PPP3CA: variants seen among roughly 807,000 people sequenced by gnomAD.
PPP3CA encodes protein phosphatase 3 catalytic subunit alpha.
PPP3CA carries 14 observed loss-of-function variants against 66.5 expected under a neutral mutation model. The ratio of observed to expected loss-of-function variants is 0.21; its 90% CI spans 0.14 to 0.33. The LOEUF (loss-of-function observed/expected upper bound fraction) is 0.33, where lower values mean the gene tolerates loss of function less well. Ranked by LOEUF, PPP3CA falls within the 10% of genes least tolerant of loss-of-function variation. The pLI is 1.00. For missense variants in PPP3CA, 317 were observed against 639.5 expected, an observed-to-expected ratio of 0.50 and a Z score of 5.44; for synonymous variants, 232 against 226.2, an observed-to-expected ratio of 1.03 and a Z score of -0.23.
chr4:101,027,008 A>G (rs969451285), intron 13 of PPP3CA, among the ~76,000 whole-genome samples: 11 of 152,200 alleles, frequency 7.2e-5, no homozygotes, highest in African/African-American at 2.7e-4. Flanking sequence ...TTAAAAAGTA[A>G]TCTTTGGTGT....
chr4:101,294,757 C>G (rs1174260346), intron 1 of PPP3CA, among the ~76,000 whole-genome samples: 1 of 151,858 alleles, frequency 6.6e-6, no homozygotes, highest in Non-Finnish European at 1.5e-5. Flanking sequence ...TGTTTGGCAG[C>G]ATCTCTGGCT....
At chr4:101,249,235 A>G (rs1374740699) in intron 1 of PPP3CA, among the ~76,000 whole-genome samples, 1 of 152,068 alleles carries the variant, frequency 6.6e-6, no homozygotes, top group Non-Finnish European at 1.5e-5. Context: ...AAATGTAGGT[A>G]CTACTACACA....
chr4:101,165,652 C>T (rs1485951337), intron 2 of PPP3CA, among the ~76,000 whole-genome samples: 2 of 152,100 alleles, frequency 1.3e-5, no homozygotes, highest in South Asian at 2.1e-4. Context: ...TACATGTGTA[C>T]ATCAATAAAA....
chr4:101,342,707 C>CA (rs1729855031), intron 1 of PPP3CA, among the ~76,000 whole-genome samples: 1 of 152,102 alleles, frequency 6.6e-6, no homozygotes, highest in Non-Finnish European at 1.5e-5. Context: ...ATACATGAAA[C>CA]TCAACTGATG....
intron 2 of PPP3CA, among the ~76,000 whole-genome samples, chr4:101,150,391 T>C (rs997265864): frequency 6.6e-6 from 1 of 152,216 alleles, no homozygotes; most frequent in African/African-American, 2.4e-5. Flanking sequence ...TGTGTGGCAA[T>C]AGAAGACATA....
At chr4:101,227,884 C>T (rs1262424118) in intron 1 of PPP3CA, among the ~76,000 whole-genome samples, 1 of 151,678 alleles carries the variant, frequency 6.6e-6, no homozygotes, top group Non-Finnish European at 1.5e-5. Context: ...ACCCATGTTG[C>T]TACAAAGCTC....
At chr4:101,270,781 T>C (rs1455082386) in intron 1 of PPP3CA, among the ~76,000 whole-genome samples, 1 of 152,188 alleles carries the variant, frequency 6.6e-6, no homozygotes, top group Non-Finnish European at 1.5e-5. Flanking sequence ...TAATATTCAT[T>C]TTTAATTATG....
At chr4:101,254,274 T>C (rs974253602) in intron 1 of PPP3CA, among the ~76,000 whole-genome samples, 7 of 152,026 alleles carry the variant, frequency 4.6e-5, no homozygotes, top group Non-Finnish European at 8.8e-5. Flanking sequence ...AGCTAATACA[T>C]ATTAAGCACT....
At chr4:101,241,737 A>G (rs569761950) in intron 1 of PPP3CA, among the ~76,000 whole-genome samples, 2 of 152,214 alleles carry the variant, frequency 1.3e-5, no homozygotes, top group East Asian at 3.9e-4. Context: ...AATTACTTAA[A>G]CTAAAATACA....
intron 1 of PPP3CA, among the ~76,000 whole-genome samples, chr4:101,251,354 C>T (rs879733308): frequency 6.6e-6 from 1 of 152,092 alleles, no homozygotes; most frequent in Middle Eastern, 3.4e-3. Context: ...GAAATCTTTA[C>T]TTATGTTTTG....
At chr4:101,345,003 T>C (rs746527799) in intron 1 of PPP3CA, among the ~76,000 whole-genome samples, 27 of 152,350 alleles carry the variant, frequency 1.8e-4, no homozygotes, top group Middle Eastern at 3.4e-3. Context: ...CAGAAGCCTT[T>C]CATGCAAAAC....
chr4:101,150,473 A>T (rs1174602440), intron 2 of PPP3CA, among the ~76,000 whole-genome samples: 1 of 152,206 alleles, frequency 6.6e-6, no homozygotes, highest in East Asian at 1.9e-4. Flanking sequence ...AATGAAGCTA[A>T]CATCCTATTT....
chr4:101,057,991 A>G (rs1443129255), intron 10 of PPP3CA, among the ~76,000 whole-genome samples: 1 of 152,186 alleles, frequency 6.6e-6, no homozygotes, highest in Admixed American at 6.6e-5. Flanking sequence ...ACATAAGATT[A>G]GATGATTGTT....
At chr4:101,235,062 T>C (rs1419781884) in intron 1 of PPP3CA, among the ~76,000 whole-genome samples, 4 of 151,772 alleles carry the variant, frequency 2.6e-5, no homozygotes, top group African/African-American at 9.7e-5. Flanking sequence ...AGGTATCTTT[T>C]TAAAGATGTA....
At chr4:101,131,117 T>C (rs1365763707) in intron 2 of PPP3CA, among the ~76,000 whole-genome samples, 1 of 151,846 alleles carries the variant, frequency 6.6e-6, no homozygotes, top group Non-Finnish European at 1.5e-5. Flanking sequence ...GGGGCCTATA[T>C]TCCCAGCTCT....
At chr4:101,283,423 T>A (rs145771567) in intron 1 of PPP3CA, among the ~76,000 whole-genome samples, 172 of 152,314 alleles carry the variant, frequency 1.1e-3, no homozygotes, top group African/African-American at 4.0e-3. Flanking sequence ...CATTAGTCTC[T>A]CAGGTTAGTA....
intron 2 of PPP3CA, among the ~76,000 whole-genome samples, chr4:101,173,686 T>A (rs1156357015): frequency 6.6e-6 from 1 of 152,112 alleles, no homozygotes; most frequent in Non-Finnish European, 1.5e-5. Context: ...ATCAAAAAAA[T>A]TCCTGATTTA....
intron 1 of PPP3CA, among the ~76,000 whole-genome samples, chr4:101,246,897 C>T (rs1726499162): frequency 1.3e-5 from 2 of 152,124 alleles, no homozygotes; most frequent in African/African-American, 4.8e-5. Context: ...AATTTGCAGG[C>T]TTCTCCTATA....
intron 6 of PPP3CA, among the ~76,000 whole-genome samples, chr4:101,090,047 A>G (rs1229543882): frequency 6.6e-6 from 1 of 152,250 alleles, no homozygotes; most frequent in African/African-American, 2.4e-5. Flanking sequence ...ATACCTGCCA[A>G]TAATTCAAAA....
Sources: gnomAD v4.1 joint callset for allele counts (sites outside exome capture counted in the v4.1 genomes callset) on GRCh38, gnomAD v4.1.1 for gene constraint, MANE v1.5 for transcripts, NCBI Gene and HGNC (gene_info 2026-07-23, HGNC 2026-07-21) for gene names.